The following CUL5 variants were observed in gnomAD, a reference collection of about 807,000 sequenced individuals.
CUL5 encodes cullin-5.
In CUL5, 26 loss-of-function variants were observed where a neutral mutation model predicts 108.8. The observed-to-expected ratio is 0.24, with a 90% confidence interval of 0.18 to 0.33. The LOEUF (loss-of-function observed/expected upper bound fraction) is 0.33. Among genes scored for constraint, CUL5 ranks in the 10% least tolerant of loss-of-function variants. CUL5 has a pLI of 1.00. For synonymous variants in CUL5, 334 were observed against 298.0 expected (o/e 1.12, Z -1.25); for missense variants, 524 against 909.2 (o/e 0.58, Z 5.45).
intron 3 of CUL5, among the ~76,000 whole-genome samples, chr11:108,048,717 A>C (rs913623815): frequency 2.2e-5 from 3 of 134,476 alleles, no homozygotes; most frequent in Admixed American, 1.6e-4. Flanking sequence ...CCCAGGCTGC[A>C]GTGCAGTAGC....
chr11:108,054,830 T>C (rs2271853), intron 6 of CUL5, 38 bp downstream of exon 6: 339,962 of 1,599,516 alleles, frequency 0.21, 37,666 homozygotes, highest in Middle Eastern at 0.25. Flanking sequence ...ATTTGAGCAA[T>C]TCCCTTGATA....
intron 8 of CUL5, among the ~76,000 whole-genome samples, chr11:108,070,892 A>G (rs1047673183): frequency 6.6e-6 from 1 of 152,204 alleles, no homozygotes; most frequent in Non-Finnish European, 1.5e-5. Flanking sequence ...GGAGTAATTC[A>G]GTAGTAAAAA....
chr11:108,095,747 T>G (rs571295200), intron 16 of CUL5, 56 bp downstream of exon 16: 2 of 1,404,836 alleles, frequency 1.4e-6, no homozygotes, highest in Non-Finnish European at 2.0e-6. Context: ...GCAGGAAATA[T>G]ATGATTGGCT....
At chr11:108,052,844 A>C (rs1465561388) in intron 5 of CUL5, 43 bp downstream of exon 5, 1 of 1,553,488 alleles carries the variant, frequency 6.4e-7, no homozygotes, top group Admixed American at 1.9e-5. Context: ...GTTTCATGGA[A>C]ATTGTAGAAC....
At chr11:108,077,049 A>G (rs1014386818) in intron 10 of CUL5, among the ~76,000 whole-genome samples, 1 of 152,242 alleles carries the variant, frequency 6.6e-6, no homozygotes, top group Non-Finnish European at 1.5e-5. Flanking sequence ...CAGCTTCAGC[A>G]TATAAGTGGT....
chr11:108,019,252 G>T (rs1862273833), intron 1 of CUL5, among the ~76,000 whole-genome samples: 1 of 152,092 alleles, frequency 6.6e-6, no homozygotes, highest in South Asian at 2.1e-4. Flanking sequence ...CAGATACCAA[G>T]GGACAACTGT....
chr11:108,062,562 A>G (rs1863565249), intron 7 of CUL5, among the ~76,000 whole-genome samples: 1 of 148,712 alleles, frequency 6.7e-6, no homozygotes, highest in African/African-American at 2.4e-5. Flanking sequence ...AAATAATTAA[A>G]TATTTATTTT....
rs764019348 is a variant in CUL5 at position 108,097,803 on chromosome 11, G to A, written c.2024+49G>A. 5 of 1,076,344 alleles carry A rather than the reference G, an allele frequency of 4.6e-6. No homozygotes were observed. The Admixed American group carries it at 1.0e-4, about 22-fold the overall frequency. The allele number at this position is 1,076,344 out of a possible 1,614,324, so 66.7% of individuals were successfully genotyped here. The stretch of plus-strand genomic sequence containing the variant: ...ATAAAAACACCTTGTTTGAATTTTA[G>A]CACTTTGTTTTTTGCAAAATAATTG... On this transcript the variant is annotated intron_variant, in intron 17 of 18. Transcript: ENST00000393094.
At chr11:108,078,079 TAAAA>T in intron 10 of CUL5, 93 bp from the exon 11 acceptor site, 3 of 689,842 alleles carry the variant, frequency 4.3e-6, no homozygotes, top group Non-Finnish European at 7.0e-6. Flanking sequence ...CCATTAGAAA[TAAAA>T]ACTAACATAT....
chr11:108,016,868 C>T (rs1264611419), intron 1 of CUL5, among the ~76,000 whole-genome samples: 1 of 152,102 alleles, frequency 6.6e-6, no homozygotes, highest in African/African-American at 2.4e-5. Context: ...TGCAGTGGCT[C>T]ATGCCCAACA....
chr11:108,020,691 T>C (rs1235424391), intron 1 of CUL5, among the ~76,000 whole-genome samples: 1 of 152,220 alleles, frequency 6.6e-6, no homozygotes, highest in Non-Finnish European at 1.5e-5. Context: ...CTTGTGTTTG[T>C]GTTTCACGAT....
chr11:108,043,649 A>T (rs994915677), intron 2 of CUL5, among the ~76,000 whole-genome samples: 4 of 152,164 alleles, frequency 2.6e-5, no homozygotes, highest in African/African-American at 7.2e-5. Context: ...ATAATCTTGG[A>T]TTGTTTTTCC....
chr11:108,086,255 TA>T (rs1864220657), intron 11 of CUL5, among the ~76,000 whole-genome samples: 1 of 152,078 alleles, frequency 6.6e-6, no homozygotes, highest in South Asian at 2.1e-4. Context: ...AAAACAATAA[TA>T]AAACTTTTAA....
rs752090983 is a variant in CUL5 at position 108,052,628 on chromosome 11, A to T, written c.412-32A>T. The T allele has an allele frequency of 1.9e-6, 3 of 1,563,824 alleles. No individual in the cohort carries two copies. In the Admixed American group the frequency reaches 5.4e-5, roughly 28 times the overall value. The stretch of plus-strand genomic sequence containing the variant: ...GATACTTTGTATATTAATAATTGAA[A>T]ATTATGTTACAATTTGTTCTTGTTT... On this transcript the variant is annotated intron_variant, in intron 4 of 18. Coordinates refer to ENST00000393094, the MANE Select transcript of CUL5 (RefSeq NM_003478.6).
At chr11:108,093,768 C>T (rs1864416290) in intron 13 of CUL5, among the ~76,000 whole-genome samples, 1 of 152,202 alleles carries the variant, frequency 6.6e-6, no homozygotes, top group Non-Finnish European at 1.5e-5. Context: ...AGCGCAGTGA[C>T]ACAATCAGAG....
chr11:108,037,352 G>A (rs1224829378), intron 2 of CUL5, among the ~76,000 whole-genome samples: 1 of 152,172 alleles, frequency 6.6e-6, no homozygotes, highest in Non-Finnish European at 1.5e-5. Flanking sequence ...TCATCCTACT[G>A]CTTCTTCCCT....
chr11:108,037,503 G>A (rs958429416), intron 2 of CUL5, among the ~76,000 whole-genome samples: 3 of 152,170 alleles, frequency 2.0e-5, no homozygotes, highest in Non-Finnish European at 4.4e-5. Context: ...AGGAAGCAAA[G>A]CAAAATCAAC....
chr11:108,026,885 A>G (rs1288536249), intron 1 of CUL5, among the ~76,000 whole-genome samples: 1 of 150,634 alleles, frequency 6.6e-6, no homozygotes, highest in Non-Finnish European at 1.5e-5. Context: ...GCTACTCGGG[A>G]GGCTGAGGCA....
At chr11:108,019,306 G>C (rs1331600025) in intron 1 of CUL5, among the ~76,000 whole-genome samples, 1 of 151,994 alleles carries the variant, frequency 6.6e-6, no homozygotes, top group Non-Finnish European at 1.5e-5. Context: ...GGCAAATGGG[G>C]TTTTAAAATC....
Sources: gnomAD v4.1 joint callset for allele counts (sites outside exome capture counted in the v4.1 genomes callset) on GRCh38, gnomAD v4.1.1 for gene constraint, MANE v1.5 for transcripts, NCBI Gene and HGNC (gene_info 2026-07-23, HGNC 2026-07-21) for gene names.